The following ALG14 variants were observed in gnomAD, a reference collection of about 807,000 sequenced individuals.
ALG14 encodes UDP-N-acetylglucosamine transferase subunit ALG14.
Under a neutral mutation model 22.8 loss-of-function variants are expected in ALG14, and 17 were observed. The observed-to-expected ratio is 0.75, with a 90% confidence interval of 0.51 to 1.12. ALG14 has a LOEUF of 1.12. Among genes scored for constraint, ALG14 ranks in the 50% most tolerant of loss-of-function variants. ALG14 has a pLI of 0.00. For synonymous variants in ALG14, 89 were observed against 103.7 expected, an observed-to-expected ratio of 0.86 and a Z score of 0.86; for missense variants, 288 against 271.8, an observed-to-expected ratio of 1.06 and a Z score of -0.42.
intron 2 of ALG14, among the ~76,000 whole-genome samples, chr1:95,036,760 G>A (rs375035660): frequency 1.4e-4 from 22 of 152,092 alleles, no homozygotes; most frequent in East Asian, 1.2e-3. Context: ...ACCCAGTCTC[G>A]GGCAGTTCTT....
intron 3 of ALG14, among the ~76,000 whole-genome samples, chr1:94,990,301 A>T (rs1026941110): frequency 3.3e-5 from 5 of 152,198 alleles, no homozygotes; most frequent in Non-Finnish European, 4.4e-5. Flanking sequence ...AAGGAAAAGG[A>T]TGTGCAGCAG....
chr1:95,051,231 TG>T (rs1482048387), intron 2 of ALG14, among the ~76,000 whole-genome samples: 1 of 4,514 alleles, frequency 2.2e-4, no homozygotes, highest in Non-Finnish European at 6.8e-3. Flanking sequence ...ACCTTCTCTG[TG>T]TTAAGTGGCA....
chr1:95,016,202 G>A lies in ALG14; in HGVS notation c.420+10927C>T, dbSNP rs191103618. 3.2e-3 allele frequency among the ~76,000 whole-genome samples: 482 copies of A among 152,298 alleles called. 1 individual carries two copies. The highest frequency in any genetic ancestry group is 0.011 in the African/African-American group (465 of 41,570). On this transcript the variant is annotated intron_variant, in intron 3 of 3. Coordinates refer to ENST00000370205, the MANE Select transcript of ALG14 (RefSeq NM_144988.4). The stretch of plus-strand genomic sequence containing the variant: ...CAGCACCTGATACCCTTCGAGAGAA[G>A]AGTCTATGATGTCTCATTTGTTGTG...
intron 3 of ALG14, among the ~76,000 whole-genome samples, chr1:95,020,505 G>A (rs1357332356): frequency 2.0e-5 from 3 of 151,760 alleles, no homozygotes; most frequent in Non-Finnish European, 1.5e-5. Context: ...TTGGGAGGCC[G>A]AGGCGGGCAG....
chr1:95,062,727 C>A (rs1675209187), intron 2 of ALG14, among the ~76,000 whole-genome samples: 1 of 152,096 alleles, frequency 6.6e-6, no homozygotes, highest in South Asian at 2.1e-4. Flanking sequence ...GATTCCATGT[C>A]TTTGCTATTG....
chr1:95,024,556 C>T (rs913329128), intron 3 of ALG14, among the ~76,000 whole-genome samples: 25 of 152,190 alleles, frequency 1.6e-4, no homozygotes, highest in African/African-American at 5.5e-4. Context: ...TGGGCAATTT[C>T]GTGGATGTTC....
At chr1:95,000,554 A>AAAAAAG (rs1557945859) in intron 3 of ALG14, among the ~76,000 whole-genome samples, 6 of 150,336 alleles carry the variant, frequency 4.0e-5, no homozygotes, top group African/African-American at 1.5e-4. Context: ...AAAAAAAAAA[A>AAAAAAG]AAAAAGAAAT....
intron 3 of ALG14, among the ~76,000 whole-genome samples, chr1:94,997,251 C>G (rs1020035218): frequency 6.6e-6 from 1 of 152,116 alleles, no homozygotes; most frequent in Non-Finnish European, 1.5e-5. Context: ...AGTAGGGCCT[C>G]ATTGGTGGGG....
chr1:95,001,196 C>T (rs1404209987), intron 3 of ALG14, among the ~76,000 whole-genome samples: 1 of 152,234 alleles, frequency 6.6e-6, no homozygotes, highest in East Asian at 1.9e-4. Context: ...TCAGTCTATC[C>T]TTCCCTAAGG....
intron 2 of ALG14, among the ~76,000 whole-genome samples, chr1:95,060,290 T>C (rs575554397): frequency 1.3e-5 from 2 of 151,384 alleles, no homozygotes; most frequent in South Asian, 4.2e-4. Context: ...GAGGCTCTTT[T>C]AGGAATGGAG....
chr1:95,053,848 A>C (rs1483980510), intron 2 of ALG14, among the ~76,000 whole-genome samples: 1 of 152,240 alleles, frequency 6.6e-6, no homozygotes, highest in Non-Finnish European at 1.5e-5. Flanking sequence ...ACAATGGGGA[A>C]TATAATTTCT....
rs1460402328 is a variant in ALG14, at chr1:94,978,238, T to G, written c.*4838A>C. The G allele has an allele frequency of 7.3e-6, 1 of 136,726 alleles. No individual in the cohort carries two copies. The highest frequency in any genetic ancestry group is 1.6e-5 in the Non-Finnish European group (1 of 64,386). The allele number at this position is 136,726 out of a possible 1,614,324, so 8.5% of individuals were successfully genotyped here. On this transcript the variant is annotated 3_prime_UTR_variant, in exon 4 of 4. Transcript: ENST00000370205. ...CCACCACGCCGGCAAATTTTTTGTA[T>G]TTTTAGTAGAGATGGGGTTTCACCA...
chr1:95,068,417 G>A (rs919523818), intron 1 of ALG14, among the ~76,000 whole-genome samples: 1 of 152,142 alleles, frequency 6.6e-6, no homozygotes, highest in Non-Finnish European at 1.5e-5. Flanking sequence ...CTCCTGAGTA[G>A]CTGGGATTAC....
intron 2 of ALG14, among the ~76,000 whole-genome samples, chr1:95,041,235 G>C (rs1023840252): frequency 2.6e-5 from 4 of 151,996 alleles, no homozygotes; most frequent in Non-Finnish European, 2.9e-5. Context: ...GTAAGTTAAG[G>C]TCCATATGAA....
intron 3 of ALG14, among the ~76,000 whole-genome samples, chr1:94,988,909 C>G (rs1387338019): frequency 6.6e-6 from 1 of 152,166 alleles, no homozygotes; most frequent in African/African-American, 2.4e-5. Context: ...TTGGTGTATT[C>G]TCTTCTAACT....
intron 3 of ALG14, among the ~76,000 whole-genome samples, chr1:95,024,347 A>G (rs767398394): frequency 2.0e-5 from 3 of 151,904 alleles, no homozygotes; most frequent in Non-Finnish European, 4.4e-5. Flanking sequence ...TCTTTACTCC[A>G]TTTTCCCTGA....
intron 2 of ALG14, chr1:95,062,244 T>C (rs557857326): frequency 1.3e-5 from 2 of 152,360 alleles, no homozygotes; most frequent in Admixed American, 6.5e-5. Flanking sequence ...AACTGCTTTC[T>C]CTATTTAAAA....
intron 3 of ALG14, among the ~76,000 whole-genome samples, chr1:95,003,742 G>A (rs889663616): frequency 1.3e-5 from 2 of 152,146 alleles, no homozygotes; most frequent in Non-Finnish European, 2.9e-5. Flanking sequence ...TTATAGGGAT[G>A]AGCCACCATG....
intron 1 of ALG14, 88 bp downstream of exon 1, chr1:95,072,675 G>A (rs922216020): frequency 6.5e-7 from 1 of 1,541,326 alleles, no homozygotes; most frequent in African/African-American, 1.4e-5. Flanking sequence ...TCCAAGAAGT[G>A]CTAAGGGTAC....
Sources: allele counts gnomAD v4.1 joint callset (sites outside exome capture counted in the v4.1 genomes callset), GRCh38; gene constraint gnomAD v4.1.1; transcripts MANE v1.5; gene names NCBI Gene and HGNC (gene_info 2026-07-23, HGNC 2026-07-21).